The following PCDH11X variants were observed in gnomAD, a reference collection of about 807,000 sequenced individuals.
The protein encoded by PCDH11X is protocadherin-11 X-linked.
A neutral mutation model predicts 53.3 loss-of-function variants in PCDH11X; 18 were observed. That is an observed-to-expected ratio of 0.34 (90% CI 0.23 to 0.50). PCDH11X has a LOEUF of 0.50. Ranked by LOEUF, PCDH11X falls within the 20% of genes least tolerant of loss-of-function variation. The pLI is 0.98. For synonymous variants in PCDH11X, 279 were observed against 393.3 expected, an observed-to-expected ratio of 0.71 and a Z score of 3.44; for missense variants, 570 against 1,032.4, an observed-to-expected ratio of 0.55 and a Z score of 6.14.
chrX:92,081,440 G>A (rs1240470084), intron 6 of PCDH11X, among the ~76,000 whole-genome samples: 2 of 110,126 alleles, frequency 1.8e-5, no homozygotes, highest in African/African-American at 6.6e-5. Flanking sequence ...AAGGACATAC[G>A]AGGAGTGAGA....
chrX:91,804,843 G>GT (rs953553732), intron 1 of PCDH11X, among the ~76,000 whole-genome samples: 7 of 108,923 alleles, frequency 6.4e-5, no homozygotes, highest in Non-Finnish European at 1.1e-4. Context: ...ACTTTACTCA[G>GT]TTTTAGAGAG....
chrX:92,013,701 C>A (rs1006130091), intron 6 of PCDH11X, among the ~76,000 whole-genome samples: 6 of 111,200 alleles, frequency 5.4e-5, no homozygotes, highest in African/African-American at 2.0e-4. Context: ...ACCCATGGAA[C>A]AGAACAGAGC....
At chrX:92,607,690 A>C (rs1378321586) in intron 10 of PCDH11X, among the ~76,000 whole-genome samples, 1 of 111,716 alleles carries the variant, frequency 9.0e-6, no homozygotes, top group East Asian at 2.8e-4. Context: ...CTTTGCATCA[A>C]TTTCCTCATC....
Position 91,878,029 on chromosome X carries a change from C to T in PCDH11X, c.1789C>T (p.Pro597Ser), listed in dbSNP as rs778158343. 1.7e-6 allele frequency: 2 copies of T among 1,209,769 alleles called. No individual in the cohort carries two copies. The highest frequency in any genetic ancestry group is 5.9e-5 in the East Asian group (2 of 33,749). ...GTVGLITVTD[P>S]DYGDNSAVTL... is the part of the protein sequence containing the mutation. Reference sequence around the variant, plus strand: ...AGTAGGACTAATCACTGTAACTGATCCTGATTATGGAGACAATTCTGCAGT... The same window carrying T: ...AGTAGGACTAATCACTGTAACTGATTCTGATTATGGAGACAATTCTGCAGT... The change falls in exon 6 of 11, where the codon CCT becomes TCT. Residue 597 changes from proline (P) to serine (S), a missense_variant. Physicochemically the swap from Pro to Ser is moderately conservative, Grantham distance 74. Around this residue, in one of 6 missense-constraint regions of PCDH11X, gnomAD observed 226 missense variants for 457.5 expected, o/e 0.49. Coordinates refer to ENST00000682573, the MANE Select transcript of PCDH11X (RefSeq NM_032968.5).
intron 6 of PCDH11X, among the ~76,000 whole-genome samples, chrX:92,142,834 A>G (rs2065207579): frequency 9.3e-6 from 1 of 107,922 alleles, no homozygotes; most frequent in Non-Finnish European, 1.9e-5. Context: ...GAAAATTTTT[A>G]TCCCTAAATT....
intron 8 of PCDH11X, among the ~76,000 whole-genome samples, chrX:92,280,236 A>G (rs2068217520): frequency 1.8e-5 from 2 of 111,813 alleles, no homozygotes; most frequent in Admixed American, 9.5e-5. Context: ...ACATTGCCTA[A>G]TGATGCATTT....
intron 6 of PCDH11X, among the ~76,000 whole-genome samples, chrX:91,926,607 T>G (rs1017084951): frequency 9.0e-6 from 1 of 111,303 alleles, no homozygotes; most frequent in Non-Finnish European, 1.9e-5. Flanking sequence ...TTTTCCCAAA[T>G]ATCTGTATAT....
intron 6 of PCDH11X, among the ~76,000 whole-genome samples, chrX:92,032,963 C>T (rs746799642): frequency 2.0e-4 from 21 of 106,526 alleles, no homozygotes; most frequent in African/African-American, 6.2e-4. Flanking sequence ...TACAGGTGTT[C>T]GCCACCATGC....
chrX:92,100,569 G>T (rs1251070863), intron 6 of PCDH11X, among the ~76,000 whole-genome samples: 1 of 110,741 alleles, frequency 9.0e-6, no homozygotes, highest in Non-Finnish European at 1.9e-5. Context: ...AATGTCATCA[G>T]TTAAGGTGGG....
At chrX:92,612,875 C>T (rs1330977412) in intron 10 of PCDH11X, among the ~76,000 whole-genome samples, 2 of 110,119 alleles carry the variant, frequency 1.8e-5, no homozygotes, top group African/African-American at 6.6e-5. Context: ...TATGTAATAC[C>T]CTTTTTTTTG....
At chrX:92,314,216 T>G (rs2069022458) in intron 8 of PCDH11X, among the ~76,000 whole-genome samples, 1 of 112,202 alleles carries the variant, frequency 8.9e-6, no homozygotes, top group African/African-American at 3.2e-5. Flanking sequence ...TTTTCTGTTT[T>G]TAACATTTTG....
chrX:92,231,105 T>C (rs1322590562), intron 7 of PCDH11X, among the ~76,000 whole-genome samples: 1 of 111,431 alleles, frequency 9.0e-6, no homozygotes, highest in Non-Finnish European at 1.9e-5. Flanking sequence ...AGCTCACTTT[T>C]TAGTAGAGAA....
At chrX:92,100,138 T>C (rs921657267) in intron 6 of PCDH11X, among the ~76,000 whole-genome samples, 5 of 111,610 alleles carry the variant, frequency 4.5e-5, no homozygotes, top group South Asian at 3.8e-4. Context: ...TTTTAATAGA[T>C]GATGTATTCA....
At chrX:92,132,927 T>C (rs1010462008) in intron 6 of PCDH11X, among the ~76,000 whole-genome samples, 1 of 109,667 alleles carries the variant, frequency 9.1e-6, no homozygotes, top group Non-Finnish European at 1.9e-5. Context: ...AATTCTGACA[T>C]TTCTTAATAT....
intron 8 of PCDH11X, among the ~76,000 whole-genome samples, chrX:92,370,279 A>G (rs1329263603): frequency 9.2e-6 from 1 of 108,360 alleles, no homozygotes; most frequent in Non-Finnish European, 1.9e-5. Flanking sequence ...GATATTTTGT[A>G]TGATTTCATT....
chrX:92,496,007 C>G (rs1284349786), intron 10 of PCDH11X, among the ~76,000 whole-genome samples: 1 of 101,361 alleles, frequency 9.9e-6, no homozygotes, highest in Non-Finnish European at 1.9e-5. Flanking sequence ...TTTATTATTC[C>G]TAGAAATTTT....
At chrX:92,105,413 C>G (rs1031931151) in intron 6 of PCDH11X, among the ~76,000 whole-genome samples, 1 of 110,134 alleles carries the variant, frequency 9.1e-6, no homozygotes, top group Non-Finnish European at 1.9e-5. Context: ...GGAGGTCCCT[C>G]GATCTGAGTC....
At chrX:92,526,263 C>T (rs2074451312) in intron 10 of PCDH11X, among the ~76,000 whole-genome samples, 1 of 110,889 alleles carries the variant, frequency 9.0e-6, no homozygotes, top group African/African-American at 3.3e-5. Flanking sequence ...GAAGAATTTT[C>T]AAATTCCTTC....
chrX:92,423,526 G>A (rs1194284678), intron 9 of PCDH11X, among the ~76,000 whole-genome samples: 1 of 90,952 alleles, frequency 1.1e-5, no homozygotes, highest in Non-Finnish European at 2.4e-5. Context: ...TGTTTTTGTT[G>A]CATTTGCTTT....
Sources: allele counts gnomAD v4.1 joint callset (sites outside exome capture counted in the v4.1 genomes callset), GRCh38; gene constraint gnomAD v4.1.1; regional missense constraint gnomAD v4.1.1; transcripts MANE v1.5; gene names NCBI Gene and HGNC (gene_info 2026-07-23, HGNC 2026-07-21).